SLC5A4: variants seen among roughly 807,000 people sequenced by gnomAD.
SLC5A4 encodes probable glucose sensor protein SLC5A4.
Under a neutral mutation model 70.3 loss-of-function variants are expected in SLC5A4, and 55 were observed. That is an observed-to-expected ratio of 0.78 (90% CI 0.63 to 0.98). The LOEUF is 0.98. SLC5A4 is among the 50% of genes least tolerant of loss of function. The probability of loss-of-function intolerance (pLI) is 0.00; values close to 1 mark genes in which losing one functional copy is unlikely to be tolerated. For synonymous variants in SLC5A4, 268 were observed against 305.7 expected (o/e 0.88, Z 1.29); for missense variants, 735 against 839.2 (o/e 0.88, Z 1.53).
chr22:32,351,194 T>C, the SLC5A4 span, among the ~76,000 whole-genome samples: 12 of 152,272 alleles, frequency 7.9e-5, 1 homozygote, highest in South Asian at 2.5e-3. Context: ...ACTTATTACC[T>C]CCATGCCTCT....
chr22:32,300,381 G>A, the SLC5A4 span, among the ~76,000 whole-genome samples: 3 of 152,102 alleles, frequency 2.0e-5, no homozygotes, highest in African/African-American at 7.2e-5. Context: ...TTTTAAACCA[G>A]TCGGAAAAGC....
the SLC5A4 span, among the ~76,000 whole-genome samples, chr22:32,292,592 G>A: frequency 0.64 from 95,722 of 150,414 alleles, 30,507 homozygotes; most frequent in South Asian, 0.69. Flanking sequence ...TGAGAAATAT[G>A]GTAGAAAATT....
At chr22:32,292,221 T>C in the SLC5A4 span, among the ~76,000 whole-genome samples, 1 of 70,254 alleles carries the variant, frequency 1.4e-5, no homozygotes, top group South Asian at 4.1e-4. Flanking sequence ...ATATATATTA[T>C]ATTCTATATA....
the SLC5A4 span, among the ~76,000 whole-genome samples, chr22:32,339,290 G>A: frequency 6.6e-6 from 1 of 152,118 alleles, no homozygotes; most frequent in African/African-American, 2.4e-5. Flanking sequence ...CATTTCCTGA[G>A]GCATCTGCCA....
chr22:32,255,098 T>C, intron 1 of SLC5A4, 97 bp downstream of exon 1: 7 of 1,130,420 alleles, frequency 6.2e-6, no homozygotes, highest in Non-Finnish European at 9.2e-6. Flanking sequence ...ACAATGACAT[T>C]TGTGAAAAGC....
At position 32,251,769 on chromosome 22, in the gene SLC5A4, C is replaced by T; in HGVS notation, c.312+1G>A. The T allele has an allele frequency of 1.3e-6, 2 of 1,576,866 alleles. No homozygotes were observed. The highest frequency in any genetic ancestry group is 1.7e-6 in the Non-Finnish European group (2 of 1,146,062). On this transcript the variant is annotated splice_donor_variant, in intron 3 of 14. Coordinates refer to ENST00000266086, the MANE Select transcript of SLC5A4 (RefSeq NM_014227.3). LOFTEE classifies it high-confidence loss of function. ...AGGAAAAAGCCTATGATGTCACTTA[C>T]AGTCCATTCAAATGTTACGGTGGCG...
intron 5 of SLC5A4, among the ~76,000 whole-genome samples, chr22:32,244,186 C>T (rs1416219488): frequency 1.3e-5 from 2 of 152,228 alleles, no homozygotes; most frequent in African/African-American, 4.8e-5. Flanking sequence ...CTCTATTGCA[C>T]ATTGGGGTTT....
At chr22:32,247,172 G>C (rs1926877738) in intron 5 of SLC5A4, among the ~76,000 whole-genome samples, 1 of 152,130 alleles carries the variant, frequency 6.6e-6, no homozygotes, top group Non-Finnish European at 1.5e-5. Context: ...TGAGAGGGGA[G>C]ATTTATACCC....
chr22:32,292,939 T>G, the SLC5A4 span, among the ~76,000 whole-genome samples: 1 of 152,296 alleles, frequency 6.6e-6, no homozygotes, highest in Non-Finnish European at 1.5e-5. Flanking sequence ...CTATACATAT[T>G]TTGAGGTTAT....
At chr22:32,333,787 A>G in the SLC5A4 span, among the ~76,000 whole-genome samples, 5 of 149,410 alleles carry the variant, frequency 3.3e-5, no homozygotes, top group African/African-American at 9.9e-5. Context: ...AAACACACAC[A>G]CCATGCCACA....
At chr22:32,272,668 T>C in the SLC5A4 span, 13 of 560,690 alleles carry the variant, frequency 2.3e-5, no homozygotes, top group Non-Finnish European at 4.3e-5. Context: ...AAGGAGAGTT[T>C]TGGGGGCATG....
chr22:32,305,134 G>A, the SLC5A4 span, among the ~76,000 whole-genome samples: 3 of 151,872 alleles, frequency 2.0e-5, no homozygotes, highest in South Asian at 4.2e-4. Flanking sequence ...CTCATGTACC[G>A]AGACCTTAAT....
the SLC5A4 span, among the ~76,000 whole-genome samples, chr22:32,346,867 A>G: frequency 6.7e-6 from 1 of 149,504 alleles, no homozygotes; most frequent in Admixed American, 6.7e-5. Context: ...ATCTAATTAA[A>G]CTAAAGAGCT....
At chr22:32,354,279 G>A in the SLC5A4 span, among the ~76,000 whole-genome samples, 1 of 140,940 alleles carries the variant, frequency 7.1e-6, no homozygotes, top group African/African-American at 2.7e-5. Context: ...CCCAGAAAGC[G>A]CCCTCAACAC....
At chr22:32,254,476 C>T (rs1927353201) in intron 1 of SLC5A4, among the ~76,000 whole-genome samples, 1 of 152,102 alleles carries the variant, frequency 6.6e-6, no homozygotes, top group Non-Finnish European at 1.5e-5. Context: ...TTATGAAAAC[C>T]ATGTGAGGTA....
intron 13 of SLC5A4, 120 bp from the exon 14 acceptor site, chr22:32,221,142 T>C (rs78572284): frequency 0.052 from 30,026 of 578,524 alleles, 880 homozygotes; most frequent in Non-Finnish European, 0.062. Flanking sequence ...CAGGAGAATA[T>C]AGATCACAAA....
the SLC5A4 span, among the ~76,000 whole-genome samples, chr22:32,306,615 T>A: frequency 1.3e-5 from 2 of 152,208 alleles, no homozygotes; most frequent in African/African-American, 4.8e-5. Flanking sequence ...CCTGCTCACA[T>A]GAAGCCAGAG....
the SLC5A4 span, among the ~76,000 whole-genome samples, chr22:32,307,968 A>T: frequency 0.025 from 3,855 of 152,274 alleles, 141 homozygotes; most frequent in African/African-American, 0.087. Flanking sequence ...CGGCAGACAA[A>T]ATCAACCCAC....
chr22:32,272,187 G>A, the SLC5A4 span: 1 of 738,796 alleles, frequency 1.4e-6, no homozygotes, highest in Non-Finnish European at 2.5e-6. Flanking sequence ...CATGCAGGAG[G>A]AGGAGGAGGT....
Sources: allele counts gnomAD v4.1 joint callset (sites outside exome capture counted in the v4.1 genomes callset), GRCh38; gene constraint gnomAD v4.1.1; transcripts MANE v1.5; gene names NCBI Gene and HGNC (gene_info 2026-07-23, HGNC 2026-07-21).